AFG2A: variants seen among roughly 807,000 people sequenced by gnomAD.
AFG2A encodes AAA ATPase AFG2A, also known as ATPase family gene 2 protein homolog A.
chr4:123,216,664 C>CTTT, the AFG2A span, among the ~76,000 whole-genome samples: 1,440 of 142,958 alleles, frequency 0.01, 28 homozygotes, highest in African/African-American at 0.034. Flanking sequence ...ATTATTTTTA[C>CTTT]TTTTTTTTTT....
chr4:123,051,190 C>T, the AFG2A span, among the ~76,000 whole-genome samples: 5 of 150,922 alleles, frequency 3.3e-5, no homozygotes, highest in Non-Finnish European at 5.9e-5. Flanking sequence ...TTCTTACTGT[C>T]TTCTTTTGTG....
the AFG2A span, among the ~76,000 whole-genome samples, chr4:123,211,464 A>G: frequency 6.6e-6 from 1 of 152,160 alleles, no homozygotes; most frequent in Non-Finnish European, 1.5e-5. Flanking sequence ...GAGATCCTCA[A>G]TCCTTGGATA....
At chr4:123,090,660 T>A in the AFG2A span, 1 of 1,614,150 alleles carries the variant, frequency 6.2e-7, no homozygotes, top group Non-Finnish European at 8.5e-7. Flanking sequence ...AGCTAAAGGA[T>A]GTGACCATTT....
chr4:123,209,805 T>G, the AFG2A span, among the ~76,000 whole-genome samples: 152,007 of 152,038 alleles, frequency 1, 75,988 homozygotes, highest in Middle Eastern at 1. Flanking sequence ...ATGTATTCCC[T>G]CTCCCTCCCT....
chr4:122,995,151 G>A, the AFG2A span, among the ~76,000 whole-genome samples: 1 of 152,052 alleles, frequency 6.6e-6, no homozygotes, highest in African/African-American at 2.4e-5. Flanking sequence ...TTTAAATACA[G>A]TACTGCATTT....
chr4:123,278,437 C>T, the AFG2A span, among the ~76,000 whole-genome samples: 3 of 152,052 alleles, frequency 2.0e-5, no homozygotes, highest in Admixed American at 6.5e-5. Context: ...TATGGTTTTT[C>T]ATATCTCAGT....
At chr4:123,153,493 CAT>C in the AFG2A span, among the ~76,000 whole-genome samples, 8 of 152,158 alleles carry the variant, frequency 5.3e-5, no homozygotes, top group Non-Finnish European at 2.9e-5. Flanking sequence ...TTCCAGGGGA[CAT>C]GTGCAGGATG....
At chr4:122,935,193 A>G in the AFG2A span, among the ~76,000 whole-genome samples, 1 of 152,156 alleles carries the variant, frequency 6.6e-6, no homozygotes, top group African/African-American at 2.4e-5. Flanking sequence ...TCCTTTGCAT[A>G]TATTTGCTGT....
At chr4:123,115,912 T>A in the AFG2A span, among the ~76,000 whole-genome samples, 7 of 152,094 alleles carry the variant, frequency 4.6e-5, no homozygotes, top group African/African-American at 9.7e-5. Flanking sequence ...TTTTAAAAAA[T>A]TTTTTGAGAC....
the AFG2A span, among the ~76,000 whole-genome samples, chr4:123,054,800 A>AT: frequency 6.6e-6 from 1 of 152,098 alleles, no homozygotes; most frequent in Non-Finnish European, 1.5e-5. Flanking sequence ...TCCACAACAC[A>AT]TTAATTTTAT....
chr4:123,159,955 A>G, the AFG2A span, among the ~76,000 whole-genome samples: 132 of 152,302 alleles, frequency 8.7e-4, 1 homozygote, highest in Non-Finnish European at 1.5e-3. Flanking sequence ...GAAATAAACA[A>G]GTTTTTAGAA....
the AFG2A span, among the ~76,000 whole-genome samples, chr4:123,101,953 A>G: frequency 2.0e-5 from 3 of 152,058 alleles, no homozygotes; most frequent in African/African-American, 4.8e-5. Context: ...CTGTGTTATT[A>G]ACAGACTGTG....
the AFG2A span, among the ~76,000 whole-genome samples, chr4:123,102,527 G>C: frequency 6.6e-6 from 1 of 151,856 alleles, no homozygotes; most frequent in Non-Finnish European, 1.5e-5. Flanking sequence ...TAATGAATAT[G>C]AATGTAAAAA....
chr4:122,971,736 A>T, the AFG2A span, among the ~76,000 whole-genome samples: 6 of 152,144 alleles, frequency 3.9e-5, no homozygotes, highest in African/African-American at 1.4e-4. Flanking sequence ...CTTTTAAAAA[A>T]ATATAATTAA....
the AFG2A span, among the ~76,000 whole-genome samples, chr4:123,072,168 G>A: frequency 6.6e-6 from 1 of 152,134 alleles, no homozygotes; most frequent in Non-Finnish European, 1.5e-5. Context: ...TTCTGTCTCA[G>A]TTTTTTAATG....
At chr4:123,144,443 G>A in the AFG2A span, among the ~76,000 whole-genome samples, 1 of 152,028 alleles carries the variant, frequency 6.6e-6, no homozygotes, top group African/African-American at 2.4e-5. Flanking sequence ...TGTGATCTGA[G>A]CTCAGATTAT....
chr4:123,126,776 G>A, the AFG2A span, among the ~76,000 whole-genome samples: 4 of 152,160 alleles, frequency 2.6e-5, no homozygotes, highest in Non-Finnish European at 5.9e-5. Flanking sequence ...CAAACTATGA[G>A]TCAATTAAAC....
the AFG2A span, among the ~76,000 whole-genome samples, chr4:123,083,181 A>G: frequency 6.6e-6 from 1 of 152,114 alleles, no homozygotes; most frequent in African/African-American, 2.4e-5. Context: ...AGGAATGGGC[A>G]GAAGGGTCAT....
the AFG2A span, chr4:122,929,340 A>T: frequency 1.1e-6 from 1 of 919,942 alleles, no homozygotes; most frequent in Admixed American, 3.8e-5. Context: ...ATGAATTACA[A>T]TAGTATGTTT....
Sources: gnomAD v4.1 joint callset for allele counts (sites outside exome capture counted in the v4.1 genomes callset) on GRCh38, gnomAD v4.1.1 for gene constraint, MANE v1.5 for transcripts, NCBI Gene and HGNC (gene_info 2026-07-23, HGNC 2026-07-21) for gene names.